FCHSD2: variants seen among roughly 807,000 people sequenced by gnomAD.
FCHSD2 encodes the protein FCH and double SH3 domains 2.
A neutral mutation model predicts 108.1 loss-of-function variants in FCHSD2; 38 were observed. The ratio of observed to expected loss-of-function variants is 0.35; its 90% confidence interval spans 0.27 to 0.46. The LOEUF (loss-of-function observed/expected upper bound fraction) is 0.46. Ranked by LOEUF, FCHSD2 falls within the 20% of genes least tolerant of loss-of-function variation. The pLI is 1.00. For synonymous variants in FCHSD2, 279 were observed against 314.7 expected, an observed-to-expected ratio of 0.89 and a Z score of 1.20; for missense variants, 751 against 897.8, an observed-to-expected ratio of 0.84 and a Z score of 2.09.
intron 4 of FCHSD2, among the ~76,000 whole-genome samples, chr11:73,002,826 A>G (rs1025604703): frequency 6.6e-6 from 1 of 152,128 alleles, no homozygotes; most frequent in African/African-American, 2.4e-5. Flanking sequence ...ATTCTTTGTT[A>G]GTTGTTCTTG....
chr11:72,851,507 G>A (rs540331771), intron 13 of FCHSD2, among the ~76,000 whole-genome samples: 2 of 152,188 alleles, frequency 1.3e-5, no homozygotes, highest in South Asian at 4.1e-4. Context: ...TTGGGAGGCC[G>A]AGGTGGGCGG....
intron 3 of FCHSD2, among the ~76,000 whole-genome samples, chr11:73,046,000 T>C (rs1464202183): frequency 6.6e-6 from 1 of 151,694 alleles, no homozygotes; most frequent in Admixed American, 6.6e-5. Flanking sequence ...TTTTTTTTTT[T>C]TTTTTTTAGA....
intron 14 of FCHSD2, among the ~76,000 whole-genome samples, chr11:72,845,291 C>T (rs1301657237): frequency 6.6e-6 from 1 of 151,734 alleles, no homozygotes; most frequent in Non-Finnish European, 1.5e-5. Flanking sequence ...TGTGGTGGCA[C>T]GTGCCTGTAA....
At chr11:72,845,872 G>GT (rs1861120046) in intron 14 of FCHSD2, among the ~76,000 whole-genome samples, 2 of 151,918 alleles carry the variant, frequency 1.3e-5, no homozygotes, top group South Asian at 4.2e-4. Context: ...TTCTTTTTTC[G>GT]TACTAGAATA....
chr11:73,083,374 C>A (rs1450616056), intron 3 of FCHSD2, among the ~76,000 whole-genome samples: 2 of 151,948 alleles, frequency 1.3e-5, no homozygotes, highest in African/African-American at 4.8e-5. Context: ...CATGGTGAAA[C>A]CCTGTCTCTA....
intron 13 of FCHSD2, among the ~76,000 whole-genome samples, chr11:72,863,454 T>C (rs1854648238): frequency 6.6e-6 from 1 of 152,144 alleles, no homozygotes; most frequent in African/African-American, 2.4e-5. Context: ...CAAAGATTTC[T>C]TAGCTACCAC....
intron 9 of FCHSD2, among the ~76,000 whole-genome samples, chr11:72,911,680 T>A (rs1855766664): frequency 1.3e-5 from 2 of 152,150 alleles, no homozygotes; most frequent in African/African-American, 2.4e-5. Flanking sequence ...CTTTTTTATT[T>A]TTATTATTAT....
chr11:72,851,374 A>G (rs1230268084), intron 13 of FCHSD2, among the ~76,000 whole-genome samples: 1 of 152,198 alleles, frequency 6.6e-6, no homozygotes, highest in Non-Finnish European at 1.5e-5. Context: ...CACAATCTAT[A>G]TGTCCATCAA....
chr11:72,847,544 G>C (rs1002174675), intron 14 of FCHSD2, among the ~76,000 whole-genome samples: 1 of 152,114 alleles, frequency 6.6e-6, no homozygotes, highest in Non-Finnish European at 1.5e-5. Flanking sequence ...AAGTTTGGCT[G>C]GGCAGAAGTG....
At chr11:72,935,635 A>G (rs970445722) in intron 8 of FCHSD2, among the ~76,000 whole-genome samples, 2 of 152,250 alleles carry the variant, frequency 1.3e-5, no homozygotes, top group African/African-American at 4.8e-5. Flanking sequence ...GCTTTTTACA[A>G]GAAATCAAAA....
chr11:72,878,000 A>T (rs180816339), intron 12 of FCHSD2, among the ~76,000 whole-genome samples: 6,150 of 152,242 alleles, frequency 0.04, 150 homozygotes, highest in African/African-American at 0.056. Context: ...CTCAAAAAAA[A>T]TTTTTTTAAA....
chr11:73,004,584 C>T (rs1857700336), intron 4 of FCHSD2, among the ~76,000 whole-genome samples: 1 of 152,170 alleles, frequency 6.6e-6, no homozygotes, highest in African/African-American at 2.4e-5. Context: ...ATGGTCTATC[C>T]TTATAATCAC....
At chr11:73,107,030 AAAAGCTATATATATATATATATTTTT>A (rs1329457150) in intron 2 of FCHSD2, among the ~76,000 whole-genome samples, 4 of 150,568 alleles carry the variant, frequency 2.7e-5, no homozygotes, top group Admixed American at 2.6e-4. Flanking sequence ...TTTTTGTTAG[AAAAGCTATATATATATATATATTTTT>A]AAATGGAGTC....
At chr11:73,061,093 C>A (rs1306358214) in intron 3 of FCHSD2, among the ~76,000 whole-genome samples, 1 of 152,240 alleles carries the variant, frequency 6.6e-6, no homozygotes, top group Non-Finnish European at 1.5e-5. Flanking sequence ...ATGATTTCTG[C>A]ATGTCCAACT....
intron 2 of FCHSD2, among the ~76,000 whole-genome samples, chr11:73,098,230 G>GT (rs1458522910): frequency 6.6e-6 from 1 of 152,044 alleles, no homozygotes; most frequent in Non-Finnish European, 1.5e-5. Flanking sequence ...GTTTCACAGC[G>GT]TAAGTTTTGG....
chr11:72,840,539 T>C (rs756225861), intron 19 of FCHSD2, among the ~76,000 whole-genome samples: 7 of 152,124 alleles, frequency 4.6e-5, no homozygotes, highest in Non-Finnish European at 8.8e-5. Context: ...AAGAGGCAAA[T>C]AGAGGCCTGG....
At chr11:73,141,693 C>A (rs1861252349) in intron 1 of FCHSD2, among the ~76,000 whole-genome samples, 164 bp downstream of exon 1, 1 of 152,164 alleles carries the variant, frequency 6.6e-6, no homozygotes, top group Non-Finnish European at 1.5e-5. Flanking sequence ...AAAGGCAACT[C>A]ACACGCGCGC....
At chr11:73,110,057 T>C (rs1210352047) in intron 2 of FCHSD2, among the ~76,000 whole-genome samples, 1 of 152,196 alleles carries the variant, frequency 6.6e-6, no homozygotes, top group Non-Finnish European at 1.5e-5. Context: ...ATGATCAATT[T>C]TCCTTTAATG....
At chr11:73,004,336 C>T (rs1036584157) in intron 4 of FCHSD2, among the ~76,000 whole-genome samples, 6 of 152,140 alleles carry the variant, frequency 3.9e-5, no homozygotes, top group African/African-American at 1.4e-4. Context: ...AATAGCACCT[C>T]CATGGTCATA....
Sources: allele counts gnomAD v4.1 joint callset (sites outside exome capture counted in the v4.1 genomes callset), GRCh38; gene constraint gnomAD v4.1.1; transcripts MANE v1.5; gene names NCBI Gene and HGNC (gene_info 2026-07-23, HGNC 2026-07-21).